The following HMCN1 variants were observed in gnomAD, a reference collection of about 807,000 sequenced individuals.
HMCN1 encodes hemicentin-1.
In HMCN1, 321 loss-of-function variants were observed where a neutral mutation model predicts 625.9. The ratio of observed to expected loss-of-function variants is 0.51; its 90% CI spans 0.47 to 0.56. The LOEUF is 0.56. HMCN1 is among the 20% of genes least tolerant of loss of function. The pLI is 0.00. For missense variants in HMCN1, 6,588 were observed against 6,887.3 expected (o/e 0.96, Z 1.54); for synonymous variants, 2,425 against 2,417.6 (o/e 1.00, Z -0.09).
Position 186,001,701 on chromosome 1 carries a change from T to C in HMCN1, c.4308T>C (p.Ile1436=), listed in dbSNP as rs754369553. 3.1e-6 allele frequency: 5 copies of C among 1,612,670 alleles called. No individual in the cohort carries two copies. The East Asian group carries it at 8.9e-5, about 29-fold the overall frequency. The change falls in exon 28 of 107, where the codon ATT becomes ATC. Residue 1436 remains isoleucine (I), a synonymous_variant. Coordinates refer to ENST00000271588, the MANE Select transcript of HMCN1 (RefSeq NM_031935.3). ...GATATTCCTGCAAAGCAATTAATAT[T>C]GCAGGCACTTCTCAGAAGTACTTTA... ...AGRYSCKAIN[I]AGTSQKYFNI...
intron 1 of HMCN1, among the ~76,000 whole-genome samples, chr1:185,820,991 C>T (rs536578618): frequency 1.1e-4 from 17 of 151,800 alleles, no homozygotes; most frequent in Non-Finnish European, 2.2e-4. Context: ...AAATCAGACA[C>T]CTTTATTGAT....
chr1:186,086,335 C>T lies in HMCN1; in HGVS notation c.8974C>T (p.Pro2992Ser). 6 of 1,613,314 alleles carry T rather than the reference C, an allele frequency of 3.7e-6. No individual in the cohort carries two copies. Among genetic ancestry groups the T allele is most frequent in the Non-Finnish European group, 5.1e-6 (6 of 1,179,522 alleles). The change falls in exon 58 of 107, where the codon CCA (proline) becomes TCA (serine). Residue 2992 changes from proline to serine, a missense_variant. Pro to Ser is a moderately conservative substitution (Grantham distance 74). This residue lies in a region of HMCN1 where 4,628 missense variants were observed against 4,853.1 expected (regional missense o/e 0.95). Transcript: ENST00000271588. ...TTTGACCTGTGAGGTCTCTGGTTTTCCACCTCCTGACCTCAGCTGGCTCAA... is the reference window on the plus strand; with the variant it reads ...TTTGACCTGTGAGGTCTCTGGTTTTTCACCTCCTGACCTCAGCTGGCTCAA... ...ISLTCEVSGF[P>S]PPDLSWLKNE...
chr1:185,801,014 G>C (rs981602770), intron 1 of HMCN1, among the ~76,000 whole-genome samples: 1 of 152,002 alleles, frequency 6.6e-6, no homozygotes, highest in African/African-American at 2.4e-5. Flanking sequence ...AGATGTTTTG[G>C]ATACATCTAA....
intron 14 of HMCN1, among the ~76,000 whole-genome samples, chr1:185,970,081 G>A (rs1011947759): frequency 5.3e-5 from 8 of 152,058 alleles, no homozygotes; most frequent in South Asian, 2.1e-4. Flanking sequence ...AGGCTTTCCC[G>A]GTTCCCCAAG....
chr1:186,153,954 C>A lies in HMCN1; in HGVS notation c.15223C>A (p.Leu5075Met), dbSNP rs916827137. Residue 5075 changes from leucine to methionine, a missense_variant, in exon 97 of 107, where the codon CTG becomes ATG. This residue lies in a region of HMCN1 where 1,954 missense variants were observed against 2,013.1 expected (regional missense o/e 0.97). Coordinates refer to ENST00000271588, the MANE Select transcript of HMCN1 (RefSeq NM_031935.3). The part of the protein sequence containing the change: ...ESDYNQIEET[L>M]GFKIHASISK... ...TGACTATAACCAGATAGAAGAGACA[C>A]TGGGTTTTAAAATTCATGCTTCAAT... The A allele has an allele frequency of 6.2e-6, 10 of 1,613,752 alleles. No homozygotes were observed. The highest frequency in any genetic ancestry group is 7.6e-6 in the Non-Finnish European group (9 of 1,179,788).
chr1:185,778,345 ATT>A (rs67927353), intron 1 of HMCN1, among the ~76,000 whole-genome samples: 2 of 139,488 alleles, frequency 1.4e-5, no homozygotes, highest in African/African-American at 2.6e-5. Flanking sequence ...TTTCTCTTTC[ATT>A]TTTTTTTTTT....
intron 52 of HMCN1, among the ~76,000 whole-genome samples, chr1:186,073,540 G>A (rs1260660183): frequency 6.6e-6 from 1 of 152,118 alleles, no homozygotes; most frequent in South Asian, 2.1e-4. Context: ...GTAGGTGAGA[G>A]AAACACAGTT....
intron 97 of HMCN1, among the ~76,000 whole-genome samples, chr1:186,160,363 A>G (rs1288989224): frequency 3.4e-5 from 5 of 147,924 alleles, no homozygotes; most frequent in South Asian, 2.2e-4. Flanking sequence ...GATCCTTTCA[A>G]AAAACCAGCT....
chr1:186,084,805 G>A (rs1389895164), intron 57 of HMCN1, among the ~76,000 whole-genome samples: 2 of 151,984 alleles, frequency 1.3e-5, no homozygotes, highest in African/African-American at 4.8e-5. Flanking sequence ...TGTGCCAAAT[G>A]TTTTATATAG....
Position 185,925,179 on chromosome 1 carries a change from A to G in HMCN1, c.1418A>G (p.Asp473Gly). The G allele has an allele frequency of 6.2e-7, 1 of 1,613,730 alleles. No individual in the cohort carries two copies. Among genetic ancestry groups the G allele is most frequent in the South Asian group, 1.1e-5 (1 of 91,070 alleles). ...FVRNGVTLGV[D>G]QYLKESASVN... is the part of the protein sequence containing the mutation. ...AGAAATGGAGTTACACTTGGAGTAG[A>G]CCAGTATTTGAAGTAGGTACATGTT... The change falls in exon 9 of 107, where the codon GAC becomes GGC. Residue 473 changes from aspartate to glycine, a missense_variant. Asp to Gly is a moderately conservative substitution (Grantham distance 94, BLOSUM62 -1). This residue lies in a region of HMCN1 where 4,628 missense variants were observed against 4,853.1 expected (regional missense o/e 0.95). Coordinates refer to ENST00000271588, the MANE Select transcript of HMCN1 (RefSeq NM_031935.3).
chr1:185,813,647 T>C (rs1259083513), intron 1 of HMCN1, among the ~76,000 whole-genome samples: 1 of 152,160 alleles, frequency 6.6e-6, no homozygotes, highest in Non-Finnish European at 1.5e-5. Context: ...ATCAAAATCC[T>C]AGTAGAAACT....
chr1:185,982,912 G>T (rs950978786), intron 18 of HMCN1, among the ~76,000 whole-genome samples: 3 of 151,914 alleles, frequency 2.0e-5, no homozygotes, highest in Non-Finnish European at 4.4e-5. Flanking sequence ...AAATAGTGTT[G>T]TAATTTTCAT....
intron 1 of HMCN1, among the ~76,000 whole-genome samples, chr1:185,799,348 A>T (rs1201874038): frequency 6.6e-6 from 1 of 151,790 alleles, no homozygotes; most frequent in Non-Finnish European, 1.5e-5. Context: ...AGAGGAGGAA[A>T]CTCTCTGGTA....
At chr1:185,762,432 A>G (rs1378260080) in intron 1 of HMCN1, among the ~76,000 whole-genome samples, 1 of 152,192 alleles carries the variant, frequency 6.6e-6, no homozygotes. Flanking sequence ...CCCTGCTGTT[A>G]TAAAATAAAC....
rs1373930024 is a variant in HMCN1, at chr1:186,137,741, C to T, written c.13754-61C>T. Reference sequence around the variant, plus strand: ...TTTCTGTCTTCTACCTATGGATTGCCCCAGTGTAAGTATTCCCAATTGAAA... The same window carrying T: ...TTTCTGTCTTCTACCTATGGATTGCTCCAGTGTAAGTATTCCCAATTGAAA... On this transcript the variant is annotated intron_variant, in intron 88 of 106. Coordinates refer to ENST00000271588, the MANE Select transcript of HMCN1 (RefSeq NM_031935.3). 1.1e-5 allele frequency: 17 copies of T among 1,613,572 alleles called. No homozygotes were observed. In the East Asian group the frequency reaches 3.8e-4, roughly 36 times the overall value.
At chr1:185,802,336 C>T (rs968093989) in intron 1 of HMCN1, among the ~76,000 whole-genome samples, 2 of 152,088 alleles carry the variant, frequency 1.3e-5, no homozygotes, top group East Asian at 1.9e-4. Context: ...AGGGACATTT[C>T]GGTACAAATG....
At chr1:185,860,293 T>G (rs985358134) in intron 2 of HMCN1, among the ~76,000 whole-genome samples, 3 of 152,166 alleles carry the variant, frequency 2.0e-5, no homozygotes, top group Non-Finnish European at 4.4e-5. Flanking sequence ...CAATATAATC[T>G]GTGTTTGCAG....
At chr1:186,183,522 T>C (rs1245155045) in intron 105 of HMCN1, among the ~76,000 whole-genome samples, 1 of 152,218 alleles carries the variant, frequency 6.6e-6, no homozygotes, top group Admixed American at 6.5e-5. Flanking sequence ...TTTACTCAGA[T>C]TTAAAGTACT....
chr1:186,044,695 T>G (rs1656446388), intron 40 of HMCN1, among the ~76,000 whole-genome samples: 1 of 152,092 alleles, frequency 6.6e-6, no homozygotes, highest in East Asian at 1.9e-4. Context: ...CAGCCCTGCA[T>G]AGTGATGGGG....
Sources: gnomAD v4.1 joint callset for allele counts (sites outside exome capture counted in the v4.1 genomes callset) on GRCh38, gnomAD v4.1.1 for gene constraint, gnomAD v4.1.1 regional missense constraint, MANE v1.5 for transcripts, NCBI Gene and HGNC (gene_info 2026-07-23, HGNC 2026-07-21) for gene names.